The following TIAM2 variants were observed in gnomAD, a reference collection of about 807,000 sequenced individuals.
TIAM2 encodes the protein rho guanine nucleotide exchange factor TIAM2.
A neutral mutation model predicts 152.9 loss-of-function variants in TIAM2; 80 were observed. The observed-to-expected ratio is 0.52, with a 90% CI of 0.44 to 0.63. The LOEUF (loss-of-function observed/expected upper bound fraction) is 0.63, where lower values mean the gene tolerates loss of function less well. Ranked by LOEUF, TIAM2 falls within the 30% of genes least tolerant of loss-of-function variation. TIAM2 has a pLI of 0.00. For missense variants in TIAM2, 1,965 were observed against 2,120.1 expected (o/e 0.93, Z 1.44); for synonymous variants, 804 against 838.0 (o/e 0.96, Z 0.70).
chr6:155,042,023 T>G (rs1388605762), intron 1 of TIAM2, among the ~76,000 whole-genome samples: 1 of 151,728 alleles, frequency 6.6e-6, no homozygotes, highest in Non-Finnish European at 1.5e-5. Context: ...AACCAGACTT[T>G]TTTTCTTTTT....
Position 155,214,127 on chromosome 6 carries a change from C to T in TIAM2, c.3168+2820C>T, listed in dbSNP as rs1368176831. Among the ~76,000 whole-genome samples the T allele has an allele frequency of 2.0e-5, 3 of 152,334 alleles. No homozygotes were observed. The highest frequency in any genetic ancestry group is 6.5e-5 in the Admixed American group (1 of 15,308). On this transcript the variant is annotated intron_variant, in intron 15 of 26. Transcript: ENST00000682666. This position sits in a 1 kb window ranked among gnomAD's most constrained non-coding sequence, Gnocchi z 5.4. Reference sequence around the variant, plus strand: ...ACGGCTGGGCAGTCACAGCTGTGCCCGAGGAGCACGAGGCTCCCGCCCTGC... The same window carrying T: ...ACGGCTGGGCAGTCACAGCTGTGCCTGAGGAGCACGAGGCTCCCGCCCTGC...
intron 1 of TIAM2, among the ~76,000 whole-genome samples, chr6:155,089,526 T>C (rs1778252108): frequency 6.6e-6 from 1 of 152,184 alleles, no homozygotes; most frequent in Admixed American, 6.5e-5. Context: ...TAATAAGTTA[T>C]GAAATTCTGA....
intron 1 of TIAM2, among the ~76,000 whole-genome samples, chr6:155,056,047 G>A (rs903716797): frequency 3.3e-5 from 5 of 150,168 alleles, no homozygotes; most frequent in Non-Finnish European, 5.9e-5. Context: ...CTTCCAGGGT[G>A]TTTCTACTTT....
intron 1 of TIAM2, among the ~76,000 whole-genome samples, chr6:155,033,575 G>A (rs565394018): frequency 6.6e-6 from 1 of 151,910 alleles, no homozygotes; most frequent in East Asian, 1.9e-4. Flanking sequence ...CCAAGTATGA[G>A]TTATGCTCAG....
intron 1 of TIAM2, among the ~76,000 whole-genome samples, chr6:155,052,859 G>A (rs754891946): frequency 2.0e-5 from 3 of 151,772 alleles, no homozygotes; most frequent in South Asian, 4.2e-4. Context: ...TTAGCCATAC[G>A]TTTTATGGTA....
intron 2 of TIAM2, among the ~76,000 whole-genome samples, chr6:155,114,977 G>A (rs999470100): frequency 2.3e-4 from 35 of 151,798 alleles, no homozygotes; most frequent in Admixed American, 9.2e-4. Flanking sequence ...ACAGGTGCCC[G>A]CCACCACTCC....
rs1364112560 is a variant in TIAM2, at chr6:155,169,972, CCA to C, written c.2361+4564_2361+4565del. ...TAGCTGGGATTACAGGCACCTGCCA[CCA>C]AGGCTGGCTAATTTTTGTATTTTTA... is the stretch of plus-strand genomic sequence containing the variant. On this transcript the variant is annotated intron_variant, in intron 9 of 26. Transcript: ENST00000682666. 1.9e-3 allele frequency among the ~76,000 whole-genome samples: 296 copies of C among 152,212 alleles called. 1 individual carries two copies. Among genetic ancestry groups the C allele is most frequent in the African/African-American group, 6.8e-3 (283 of 41,530 alleles).
chr6:155,004,594 C>G (rs1369261703), intron 1 of TIAM2, among the ~76,000 whole-genome samples: 1 of 151,964 alleles, frequency 6.6e-6, no homozygotes, highest in Non-Finnish European at 1.5e-5. Context: ...CGGGGTTTCA[C>G]CGTGTTAGCG....
chr6:155,085,360 C>T (rs1361921092), intron 1 of TIAM2, among the ~76,000 whole-genome samples: 1 of 152,152 alleles, frequency 6.6e-6, no homozygotes, highest in East Asian at 1.9e-4. Flanking sequence ...TTGAAGGGCA[C>T]AGGGTAAGTA....
intron 1 of TIAM2, among the ~76,000 whole-genome samples, chr6:155,083,124 G>C (rs1466395098): frequency 6.6e-6 from 1 of 152,030 alleles, no homozygotes; most frequent in African/African-American, 2.4e-5. Context: ...GAGACAGGTG[G>C]ATCACCTGAG....
chr6:155,172,515 G>A (rs887756377), intron 9 of TIAM2, among the ~76,000 whole-genome samples: 26 of 151,240 alleles, frequency 1.7e-4, no homozygotes, highest in Non-Finnish European at 3.2e-4. Flanking sequence ...GAACAGAAGT[G>A]CAGAGGCACT....
chr6:155,164,110 G>A (rs1780347404), intron 7 of TIAM2, among the ~76,000 whole-genome samples: 1 of 143,044 alleles, frequency 7.0e-6, no homozygotes, highest in Non-Finnish European at 1.5e-5. Context: ...CAGGTGCCTG[G>A]CACCACACCA....
chr6:155,150,830 C>G (rs1779940237), intron 7 of TIAM2, among the ~76,000 whole-genome samples: 2 of 152,102 alleles, frequency 1.3e-5, no homozygotes, highest in Admixed American at 1.3e-4. Flanking sequence ...TAAGGCCATC[C>G]ATCCTATTCA....
At chr6:155,157,357 C>T (rs576116287) in intron 7 of TIAM2, among the ~76,000 whole-genome samples, 1 of 152,162 alleles carries the variant, frequency 6.6e-6, no homozygotes, top group African/African-American at 2.4e-5. Flanking sequence ...TGTGATTTCA[C>T]AATAACTCTG....
At chr6:155,159,059 T>G (rs1019172899) in intron 7 of TIAM2, among the ~76,000 whole-genome samples, 9 of 152,198 alleles carry the variant, frequency 5.9e-5, no homozygotes, top group African/African-American at 1.9e-4. Flanking sequence ...AAGATTGTCT[T>G]TTTTTCCTTT....
chr6:155,148,134 A>C lies in TIAM2; in HGVS notation c.1828A>C (p.Asn610His). ...FQATSQTDLE[N>H]WVTAVHSACA... is the part of the protein sequence containing the mutation. ...GGCCACCAGCCAGACAGATCTAGAA[A>C]ACTGGGTCACTGCTGTACACTCTGC... is the stretch of plus-strand genomic sequence containing the variant. The change falls in exon 7 of 27, where the codon AAC becomes CAC. Residue 610 changes from asparagine to histidine, a missense_variant. Asn to His is a moderately conservative substitution (Grantham distance 68). Around this residue, in one of 3 missense-constraint regions of TIAM2, gnomAD observed 1,025 missense variants for 1,119.4 expected, o/e 0.92. Transcript: ENST00000682666. 6.2e-7 allele frequency: 1 copy of C among 1,613,906 alleles called. No individual in the cohort carries two copies. The highest frequency in any genetic ancestry group is 1.1e-5 in the South Asian group (1 of 91,062).
chr6:155,248,019 C>A lies in TIAM2; in HGVS notation c.3672C>A (p.Phe1224Leu), dbSNP rs1023269595. 6.2e-7 allele frequency: 1 copy of A among 1,614,168 alleles called. No homozygotes were observed. Among genetic ancestry groups the A allele is most frequent in the Non-Finnish European group, 8.5e-7 (1 of 1,180,004 alleles). Reference protein sequence around the residue: ...VLERAKTDKAFKAFLDARNPT... With the variant: ...VLERAKTDKALKAFLDARNPT... ...TTGTAGCTAAAACTGACAAAGCCTT[C>A]AAGGCTTTTCTGGACGCCCGGAACC... is the stretch of plus-strand genomic sequence containing the variant. The change falls in exon 20 of 27, where the codon TTC becomes TTA. Residue 1224 changes from phenylalanine (F) to leucine (L), a missense_variant. This residue lies in a region of TIAM2 where 935 missense variants were observed against 980.0 expected (regional missense o/e 0.95). Transcript: ENST00000682666.
rs369011779 is a variant in TIAM2, at chr6:155,211,349, C to T, written c.3168+42C>T. 536 of 1,560,220 alleles carry T rather than the reference C, an allele frequency of 3.4e-4. 5 individuals carry two copies. Among genetic ancestry groups the T allele is most frequent in the Admixed American group, 2.2e-4 (13 of 58,980 alleles). ...AATCGCAAACCAAGAACCAGGCAGG[C>T]GAGTGTTAGTTCCCACCTTTACCTA... On this transcript the variant is annotated intron_variant, in intron 15 of 26. Coordinates refer to ENST00000682666, the MANE Select transcript of TIAM2 (RefSeq NM_012454.4).
At chr6:155,082,845 A>T in intron 1 of TIAM2, among the ~76,000 whole-genome samples, 1 of 152,046 alleles carries the variant, frequency 6.6e-6, no homozygotes, top group East Asian at 1.9e-4. Flanking sequence ...TTTATTGGTG[A>T]AGTTAACTAG....
Sources: gnomAD v4.1 joint callset for allele counts (sites outside exome capture counted in the v4.1 genomes callset) on GRCh38, gnomAD v4.1.1 for gene constraint, gnomAD v4.1.1 regional missense constraint, Gnocchi (gnomAD v3.1) non-coding constraint, MANE v1.5 for transcripts, NCBI Gene and HGNC (gene_info 2026-07-23, HGNC 2026-07-21) for gene names.